PLPPR4: variants seen among roughly 807,000 people sequenced by gnomAD.
The protein encoded by PLPPR4 is phospholipid phosphatase related 4.
PLPPR4 carries 24 observed loss-of-function variants against 56.6 expected under a neutral mutation model. The ratio of observed to expected loss-of-function variants is 0.42; its 90% CI spans 0.31 to 0.60. The LOEUF (loss-of-function observed/expected upper bound fraction) is 0.60, where lower values mean the gene tolerates loss of function less well. Among genes scored for constraint, PLPPR4 ranks in the 20% least tolerant of loss-of-function variants. The probability of loss-of-function intolerance (pLI) is 0.13; values close to 1 mark genes in which losing one functional copy is unlikely to be tolerated. For missense variants in PLPPR4, 654 were observed against 885.8 expected (o/e 0.74, Z 3.32); for synonymous variants, 326 against 328.1 (o/e 0.99, Z 0.07).
At chr1:99,305,552 T>C in intron 6 of PLPPR4, 133 bp from the exon 7 acceptor site, 1 of 820,206 alleles carries the variant, frequency 1.2e-6, no homozygotes, top group Non-Finnish European at 1.9e-6. Context: ...ATAGTTTTCA[T>C]GTTTCATTAT....
rs373595644 is a variant in PLPPR4, at chr1:99,301,713, C to T, written c.649-11C>T. 6.3e-7 allele frequency: 1 copy of T among 1,590,296 alleles called. No homozygotes were observed. Among genetic ancestry groups the T allele is most frequent in the Admixed American group, 1.7e-5 (1 of 57,286 alleles). On this transcript the variant is annotated splice_polypyrimidine_tract_variant and intron_variant, in intron 5 of 6. Coordinates refer to ENST00000370185, the MANE Select transcript of PLPPR4 (RefSeq NM_014839.5). ...TTCTAACATACTTAACCCATTTCTTCCATTTTTAAGATGTACTTCAATTCC... is the reference window on the plus strand; with the variant it reads ...TTCTAACATACTTAACCCATTTCTTTCATTTTTAAGATGTACTTCAATTCC...
intron 6 of PLPPR4, among the ~76,000 whole-genome samples, chr1:99,302,864 A>G (rs1570924926): frequency 6.6e-6 from 1 of 151,354 alleles, no homozygotes; most frequent in Non-Finnish European, 1.5e-5. Flanking sequence ...TTATGGCTGC[A>G]TAGTATTCCA....
Position 99,305,697 on chromosome 1 carries a change from G to T in PLPPR4, c.835G>T (p.Val279Leu). The T allele has an allele frequency of 1.2e-6, 2 of 1,612,990 alleles. No homozygotes were observed. Among genetic ancestry groups the T allele is most frequent in the Non-Finnish European group, 1.7e-6 (2 of 1,179,566 alleles). Residue 279 changes from valine to leucine, a missense_variant, in exon 7 of 7, where the codon GTG becomes TTG. By Grantham distance (32) the Val-to-Leu change is conservative. Around this residue, in one of 2 missense-constraint regions of PLPPR4, gnomAD observed 468 missense variants for 554.3 expected, o/e 0.84. Transcript: ENST00000370185. ...TCTCAAACACTAGGGCTTGTATGCT[G>T]TGGGGAATTTCCTGCCCAGTGATGA... Reference protein sequence around the residue: ...GIALYLGLYAVGNFLPSDESM... With the variant: ...GIALYLGLYALGNFLPSDESM...
intron 1 of PLPPR4, among the ~76,000 whole-genome samples, chr1:99,272,962 A>C (rs937866588): frequency 3.3e-5 from 5 of 151,244 alleles, no homozygotes; most frequent in African/African-American, 4.9e-5. Context: ...TGGTCAGAAG[A>C]AAAAAAAAGG....
rs200214818 is a variant in PLPPR4, at chr1:99,306,007, G to C, written c.1145G>C (p.Arg382Thr). 6.8e-5 allele frequency: 109 copies of C among 1,614,062 alleles called. No homozygotes were observed. The highest frequency in any genetic ancestry group is 9.1e-5 in the Non-Finnish European group (107 of 1,180,030). The change falls in exon 7 of 7, where the codon AGA becomes ACA. Residue 382 changes from arginine to threonine, a missense_variant. Physicochemically the swap from Arg to Thr is moderately conservative, Grantham distance 71 (BLOSUM62 -1). This residue lies in a region of PLPPR4 where 468 missense variants were observed against 554.3 expected (regional missense o/e 0.84). Coordinates refer to ENST00000370185, the MANE Select transcript of PLPPR4 (RefSeq NM_014839.5). The surrounding 1 kb of genome is among the most constrained non-coding windows in gnomAD (Gnocchi z 4.0). ...ACCCCATCTGTAGAAGACCCTGTCAGAAGAAATGCGAGCATTCATGCCTCT... is the reference window on the plus strand; with the variant it reads ...ACCCCATCTGTAGAAGACCCTGTCACAAGAAATGCGAGCATTCATGCCTCT... ...ANTPSVEDPV[R>T]RNASIHASMD...
In PLPPR4 at chr1:99,306,440, C is replaced by T. The variant is rs757893351; in HGVS notation, c.1578C>T (p.Pro526=). 7 of 1,614,154 alleles carry T rather than the reference C, an allele frequency of 4.3e-6. No individual in the cohort carries two copies. Among genetic ancestry groups the T allele is most frequent in the Non-Finnish European group, 5.1e-6 (6 of 1,180,024 alleles). The stretch of plus-strand genomic sequence containing the variant: ...CCTGTAACAGAAGCAACAGCCAGCC[C>T]CGAATCATGCAAGTCATAGCCATGT... ...TVACNRSNSQ[P]RIMQVIAMSK... is the part of the protein sequence containing the mutation. Residue 526 remains proline, a synonymous_variant, in exon 7 of 7, where the codon CCC becomes CCT. Transcript: ENST00000370185. The surrounding 1 kb of genome is among the most constrained non-coding windows in gnomAD (Gnocchi z 4.0).
At chr1:99,298,986 G>T in intron 3 of PLPPR4, 49 bp from the exon 4 acceptor site, 5 of 1,263,294 alleles carry the variant, frequency 4.0e-6, no homozygotes, top group Non-Finnish European at 5.8e-6. Context: ...TATGTTTGAT[G>T]CTGACACAAC....
At chr1:99,301,322 C>T (rs1048183521) in intron 5 of PLPPR4, among the ~76,000 whole-genome samples, 3 of 151,822 alleles carry the variant, frequency 2.0e-5, no homozygotes, top group East Asian at 3.9e-4. Context: ...CACACACGTA[C>T]GCTACTTTAG....
Position 99,307,104 on chromosome 1 carries a change from C to T in PLPPR4, c.*94C>T. 7.0e-7 allele frequency: 1 copy of T among 1,426,682 alleles called. No homozygotes were observed. Among genetic ancestry groups the T allele is most frequent in the Non-Finnish European group, 9.4e-7 (1 of 1,062,858 alleles). 88.4% of individuals were successfully genotyped at this position (1,426,682 alleles called of 1,614,324 possible). A position where few individuals can be genotyped will look rare whatever the true frequency, so the allele number is the denominator to read the frequency against. On this transcript the variant is annotated 3_prime_UTR_variant, in exon 7 of 7. Transcript: ENST00000370185. ...CAGCGAATTGGGAAGTCTCACCAAGCTAGATTGTCTACCATCAGCCCAGAA... is the reference window on the plus strand; with the variant it reads ...CAGCGAATTGGGAAGTCTCACCAAGTTAGATTGTCTACCATCAGCCCAGAA...
intron 5 of PLPPR4, 114 bp from the exon 6 acceptor site, chr1:99,301,610 G>T (rs1659885537): frequency 6.2e-6 from 4 of 646,884 alleles, no homozygotes; most frequent in Admixed American, 2.9e-5. Context: ...AGGAAGAGGG[G>T]GTGAAACAGT....
intron 1 of PLPPR4, among the ~76,000 whole-genome samples, chr1:99,265,290 A>G (rs899916692): frequency 6.6e-6 from 1 of 152,196 alleles, no homozygotes; most frequent in Non-Finnish European, 1.5e-5. Context: ...GTGTGTATAC[A>G]TAACTATATA....
At chr1:99,268,482 T>C (rs1658964390) in intron 1 of PLPPR4, among the ~76,000 whole-genome samples, 1 of 152,222 alleles carries the variant, frequency 6.6e-6, no homozygotes, top group African/African-American at 2.4e-5. Context: ...AGTAATCTTG[T>C]CCTTGTTCAC....
At chr1:99,287,662 C>G (rs1659499730) in intron 1 of PLPPR4, among the ~76,000 whole-genome samples, 1 of 152,000 alleles carries the variant, frequency 6.6e-6, no homozygotes, top group Admixed American at 6.6e-5. Context: ...CCTGTCTGAT[C>G]TGAAATATTT....
At chr1:99,302,530 A>G (rs1659909041) in intron 6 of PLPPR4, among the ~76,000 whole-genome samples, 1 of 134,458 alleles carries the variant, frequency 7.4e-6, no homozygotes, top group South Asian at 2.3e-4. Context: ...TATTATTATT[A>G]TACTTTAAGT....
chr1:99,280,014 A>G (rs1322307358), intron 1 of PLPPR4, among the ~76,000 whole-genome samples: 1 of 152,224 alleles, frequency 6.6e-6, no homozygotes, highest in Non-Finnish European at 1.5e-5. Flanking sequence ...GTGATAAAGA[A>G]TAAGTGAGTA....
chr1:99,299,277 C>T lies in PLPPR4; in HGVS notation c.590+47C>T, dbSNP rs1453080114. ...ACTCTGCATCATTGTTTTCATTATT[C>T]AATTGCTGCTTGGAGTATCACTTTA... On this transcript the variant is annotated intron_variant, in intron 4 of 6. Transcript: ENST00000370185. 2.9e-6 allele frequency: 4 copies of T among 1,392,886 alleles called. No homozygotes were observed. In the South Asian group the frequency reaches 4.7e-5, roughly 16 times the overall value. The allele number at this position is 1,392,886 out of a possible 1,614,324, so 86.3% of individuals were successfully genotyped here.
intron 1 of PLPPR4, among the ~76,000 whole-genome samples, chr1:99,272,747 A>T (rs1659088615): frequency 1.3e-5 from 2 of 152,176 alleles, no homozygotes; most frequent in Admixed American, 6.5e-5. Flanking sequence ...CATGGGAAGC[A>T]GTAAGAATAT....
At chr1:99,292,232 C>A (rs1252581801) in intron 2 of PLPPR4, among the ~76,000 whole-genome samples, 1 of 152,096 alleles carries the variant, frequency 6.6e-6, no homozygotes, top group Non-Finnish European at 1.5e-5. Context: ...TCCCTGCCAG[C>A]ACTATTTATT....
chr1:99,271,854 G>T (rs1659066055), intron 1 of PLPPR4, among the ~76,000 whole-genome samples: 1 of 150,246 alleles, frequency 6.7e-6, no homozygotes, highest in African/African-American at 2.5e-5. Context: ...GTCAAGTCAA[G>T]CAGGATTAGA....
Sources: gnomAD v4.1 joint callset for allele counts (sites outside exome capture counted in the v4.1 genomes callset) on GRCh38, gnomAD v4.1.1 for gene constraint, gnomAD v4.1.1 regional missense constraint, Gnocchi (gnomAD v3.1) non-coding constraint, MANE v1.5 for transcripts, NCBI Gene and HGNC (gene_info 2026-07-23, HGNC 2026-07-21) for gene names.